NRG3: variants seen among roughly 807,000 people sequenced by gnomAD.
The protein encoded by NRG3 is pro-neuregulin-3, membrane-bound isoform.
A neutral mutation model predicts 66.9 loss-of-function variants in NRG3; 31 were observed. The observed-to-expected ratio is 0.46, with a 90% confidence interval of 0.35 to 0.63. NRG3 has a LOEUF of 0.63. Among genes scored for constraint, NRG3 ranks in the 20% least tolerant of loss-of-function variants. The pLI is 0.00. For synonymous variants in NRG3, 393 were observed against 359.4 expected (o/e 1.09, Z -1.06); for missense variants, 910 against 878.9 (o/e 1.04, Z -0.45).
intron 1 of NRG3, among the ~76,000 whole-genome samples, chr10:82,264,021 G>T (rs746704395): frequency 1.2e-4 from 18 of 152,068 alleles, no homozygotes; most frequent in Non-Finnish European, 1.3e-4. Context: ...GGGCATGTGG[G>T]TAAATCATCT....
At chr10:82,542,484 TG>T (rs1323188829) in intron 2 of NRG3, among the ~76,000 whole-genome samples, 1 of 152,164 alleles carries the variant, frequency 6.6e-6, no homozygotes, top group Non-Finnish European at 1.5e-5. Context: ...ACAAATCAAA[TG>T]GTAAGGAATC....
intron 1 of NRG3, among the ~76,000 whole-genome samples, chr10:82,036,769 C>G (rs558275800): frequency 2.0e-5 from 3 of 152,094 alleles, no homozygotes; most frequent in Admixed American, 1.3e-4. Flanking sequence ...GTCTTTACAT[C>G]TATAACTAAA....
intron 2 of NRG3, among the ~76,000 whole-genome samples, chr10:82,582,939 T>C (rs2046448811): frequency 6.6e-6 from 1 of 152,092 alleles, no homozygotes; most frequent in South Asian, 2.1e-4. Context: ...TGGCAAGTCA[T>C]TTTCTCCCCT....
chr10:82,497,983 C>G (rs1413197505), intron 2 of NRG3, among the ~76,000 whole-genome samples: 2 of 152,012 alleles, frequency 1.3e-5, no homozygotes, highest in South Asian at 2.1e-4. Context: ...TCTCTGCTGA[C>G]TAGTGATGTT....
intron 3 of NRG3, among the ~76,000 whole-genome samples, chr10:82,812,160 C>T (rs926645742): frequency 6.6e-6 from 1 of 151,150 alleles, no homozygotes; most frequent in Non-Finnish European, 1.5e-5. Context: ...AATGTAGGTT[C>T]CAGTTCGCTA....
intron 2 of NRG3, among the ~76,000 whole-genome samples, chr10:82,622,710 A>G (rs2049123159): frequency 6.6e-6 from 1 of 152,196 alleles, no homozygotes; most frequent in South Asian, 2.1e-4. Context: ...AAGGGTAAAC[A>G]ACTGACACTA....
At chr10:81,962,313 A>T (rs1850441078) in intron 1 of NRG3, among the ~76,000 whole-genome samples, 1 of 152,222 alleles carries the variant, frequency 6.6e-6, no homozygotes, top group Admixed American at 6.5e-5. Context: ...GAAGCCAGTC[A>T]ACACATTTAG....
intron 2 of NRG3, among the ~76,000 whole-genome samples, chr10:82,457,766 T>A (rs950809078): frequency 4.6e-5 from 7 of 152,172 alleles, no homozygotes; most frequent in African/African-American, 1.2e-4. Context: ...GGGACCTGAA[T>A]GTCAGTGAAG....
chr10:82,891,743 T>A (rs573972452), intron 4 of NRG3, among the ~76,000 whole-genome samples: 72 of 151,992 alleles, frequency 4.7e-4, no homozygotes, highest in Non-Finnish European at 8.8e-4. Context: ...TTGTTCTCTC[T>A]TAAATTTAAA....
intron 1 of NRG3, among the ~76,000 whole-genome samples, chr10:81,944,539 A>G (rs910073395): frequency 6.6e-6 from 1 of 152,206 alleles, no homozygotes; most frequent in African/African-American, 2.4e-5. Flanking sequence ...GGTTAAACTT[A>G]AAGATATTGG....
At chr10:82,254,639 TA>T (rs1564715655) in intron 1 of NRG3, among the ~76,000 whole-genome samples, 3 of 149,298 alleles carry the variant, frequency 2.0e-5, no homozygotes, top group African/African-American at 7.4e-5. Context: ...AAGGAAGTGC[TA>T]AAAACAAAAC....
At position 82,909,671 on chromosome 10, in the gene NRG3, A is replaced by G. The variant is rs570691325; in HGVS notation, c.1055-41798A>G. ...GATGTTCCACATGAGGCCAAGACCT[A>G]CGTTCATTACTCACTGAAGTTTTTG... is the stretch of plus-strand genomic sequence containing the variant. On this transcript the variant is annotated intron_variant, in intron 4 of 8. Coordinates refer to ENST00000372141, the MANE Select transcript of NRG3 (RefSeq NM_001010848.4). 1.7e-4 allele frequency among the ~76,000 whole-genome samples: 26 copies of G among 152,336 alleles called. No individual in the cohort carries two copies. The South Asian group carries it at 4.8e-3, about 28-fold the overall frequency.
At chr10:82,273,236 A>G (rs911160430) in intron 1 of NRG3, among the ~76,000 whole-genome samples, 1 of 151,780 alleles carries the variant, frequency 6.6e-6, no homozygotes, top group African/African-American at 2.4e-5. Flanking sequence ...TGTATACATT[A>G]TTTGTCCCAA....
At chr10:82,854,852 T>A (rs1413592476) in intron 3 of NRG3, among the ~76,000 whole-genome samples, 2 of 152,192 alleles carry the variant, frequency 1.3e-5, no homozygotes, top group Non-Finnish European at 2.9e-5. Flanking sequence ...TCACCATGGA[T>A]CTTCTCTTTT....
intron 2 of NRG3, among the ~76,000 whole-genome samples, chr10:82,406,518 T>C (rs2087532882): frequency 6.6e-6 from 1 of 152,140 alleles, no homozygotes; most frequent in South Asian, 2.1e-4. Context: ...ACTTCTCAAT[T>C]CTACCTCAAA....
chr10:82,442,458 G>A (rs1191208217), intron 2 of NRG3, among the ~76,000 whole-genome samples: 1 of 152,184 alleles, frequency 6.6e-6, no homozygotes, highest in Non-Finnish European at 1.5e-5. Context: ...AGTTAATAAG[G>A]CAAAGGATGG....
In NRG3 at chr10:82,979,908, A is replaced by C. The variant is rs147016807; in HGVS notation, c.1583+788A>C. 5.2e-3 allele frequency among the ~76,000 whole-genome samples: 792 copies of C among 152,292 alleles called. 5 individuals carry two copies. The highest frequency in any genetic ancestry group is 0.011 in the Admixed American group (161 of 15,286). ...GTGGTCTTAGATGCTCTTATCTATA[A>C]ATTGAGAAAAATAGACCAGACGCAC... On this transcript the variant is annotated intron_variant, in intron 8 of 8. Coordinates refer to ENST00000372141, the MANE Select transcript of NRG3 (RefSeq NM_001010848.4).
At chr10:81,942,658 CT>C (rs1355901540) in intron 1 of NRG3, among the ~76,000 whole-genome samples, 6 of 152,138 alleles carry the variant, frequency 3.9e-5, no homozygotes, top group African/African-American at 4.8e-5. Context: ...AGCCCCTTAT[CT>C]TTCCTCAATT....
chr10:81,876,610 T>C (rs1362866267), intron 1 of NRG3, among the ~76,000 whole-genome samples: 1 of 152,108 alleles, frequency 6.6e-6, no homozygotes, highest in Non-Finnish European at 1.5e-5. Context: ...CACATGCAAA[T>C]TGACCGACGA....
Sources: gnomAD v4.1 joint callset for allele counts (sites outside exome capture counted in the v4.1 genomes callset) on GRCh38, gnomAD v4.1.1 for gene constraint, MANE v1.5 for transcripts, NCBI Gene and HGNC (gene_info 2026-07-23, HGNC 2026-07-21) for gene names.